The following TENM3 variants were observed in gnomAD, a reference collection of about 807,000 sequenced individuals.
TENM3 encodes teneurin-3.
A neutral mutation model predicts 255.1 loss-of-function variants in TENM3; 63 were observed. That is an observed-to-expected ratio of 0.25 (90% CI 0.20 to 0.30). The LOEUF (loss-of-function observed/expected upper bound fraction) is 0.30, where lower values mean the gene tolerates loss of function less well. Among genes scored for constraint, TENM3 ranks in the 10% least tolerant of loss-of-function variants. The probability of loss-of-function intolerance (pLI) is 1.00; values close to 1 mark genes in which losing one functional copy is unlikely to be tolerated. For synonymous variants in TENM3, 1,306 were observed against 1,322.3 expected, an observed-to-expected ratio of 0.99 and a Z score of 0.27; for missense variants, 2,929 against 3,461.1, an observed-to-expected ratio of 0.85 and a Z score of 3.86.
the TENM3 span, among the ~76,000 whole-genome samples, chr4:181,814,587 C>CGTGTGTGTGTGTGT: frequency 6.7e-6 from 1 of 149,390 alleles, no homozygotes; most frequent in African/African-American, 2.5e-5. Flanking sequence ...TTTTTAAATG[C>CGTGTGTGTGTGTGT]GTGTGTGTGT....
chr4:181,779,110 G>A, the TENM3 span, among the ~76,000 whole-genome samples: 15 of 152,054 alleles, frequency 9.9e-5, no homozygotes, highest in East Asian at 2.9e-3. Context: ...ACCTGGTGAT[G>A]GGCCATCTGG....
the TENM3 span, among the ~76,000 whole-genome samples, chr4:181,947,820 T>A: frequency 6.6e-6 from 1 of 152,168 alleles, no homozygotes; most frequent in African/African-American, 2.4e-5. Context: ...AAAATGAATC[T>A]GTTCGGATTA....
chr4:181,803,517 CA>C, the TENM3 span, among the ~76,000 whole-genome samples: 5 of 152,178 alleles, frequency 3.3e-5, no homozygotes, highest in African/African-American at 1.2e-4. Flanking sequence ...AGGAGCTCAA[CA>C]TACTATTGTT....
At chr4:181,491,366 G>T in the TENM3 span, among the ~76,000 whole-genome samples, 3 of 151,876 alleles carry the variant, frequency 2.0e-5, no homozygotes, top group Non-Finnish European at 1.5e-5. Flanking sequence ...GCACTTTTGA[G>T]AAAGTAAATG....
chr4:181,479,978 T>C, the TENM3 span, among the ~76,000 whole-genome samples: 1 of 152,150 alleles, frequency 6.6e-6, no homozygotes, highest in Non-Finnish European at 1.5e-5. Flanking sequence ...AATAACCACC[T>C]AGCAATCACA....
chr4:182,603,297 A>T (rs1447153779), intron 4 of TENM3, among the ~76,000 whole-genome samples: 1 of 152,144 alleles, frequency 6.6e-6, no homozygotes, highest in Non-Finnish European at 1.5e-5. Flanking sequence ...AATTAATATT[A>T]TACAGTTTTA....
chr4:182,270,591 A>C (rs1191875692), intron 1 of TENM3, among the ~76,000 whole-genome samples: 3 of 152,314 alleles, frequency 2.0e-5, no homozygotes, highest in Non-Finnish European at 4.4e-5. Context: ...CCCTTGGCTC[A>C]GAGTGGCATC....
At chr4:181,934,050 G>C in the TENM3 span, among the ~76,000 whole-genome samples, 8 of 121,250 alleles carry the variant, frequency 6.6e-5, no homozygotes, top group Non-Finnish European at 1.5e-4. Context: ...TCCCCTTTCT[G>C]TGTGTGTGTG....
the TENM3 span, among the ~76,000 whole-genome samples, chr4:181,454,573 T>C: frequency 6.6e-6 from 1 of 150,892 alleles, no homozygotes; most frequent in Non-Finnish European, 1.5e-5. Flanking sequence ...CCATTCCTGG[T>C]AAGTGCCTTA....
At chr4:182,155,690 T>G (rs1019828279) in intron 1 of TENM3, among the ~76,000 whole-genome samples, 5 of 152,142 alleles carry the variant, frequency 3.3e-5, no homozygotes, top group South Asian at 2.1e-4. Flanking sequence ...TTTAGAAGAA[T>G]AATAATTTAA....
the TENM3 span, among the ~76,000 whole-genome samples, chr4:181,679,692 A>G: frequency 5.3e-5 from 8 of 152,302 alleles, no homozygotes; most frequent in Non-Finnish European, 7.4e-5. Flanking sequence ...TTAAAAGTGT[A>G]TACTTTCATA....
intron 3 of TENM3, among the ~76,000 whole-genome samples, chr4:182,386,580 C>A (rs1255566074): frequency 1.3e-5 from 2 of 152,220 alleles, no homozygotes; most frequent in Admixed American, 6.5e-5. Context: ...CGAGCAGGAA[C>A]TGGGGCTGCG....
At chr4:181,962,642 C>A in the TENM3 span, among the ~76,000 whole-genome samples, 17 of 152,162 alleles carry the variant, frequency 1.1e-4, no homozygotes, top group African/African-American at 4.1e-4. Context: ...AGTTACATGG[C>A]GTGATGATCA....
the TENM3 span, among the ~76,000 whole-genome samples, chr4:181,467,091 G>GTA: frequency 1.8e-4 from 12 of 64,874 alleles, no homozygotes; most frequent in African/African-American, 9.8e-4. Flanking sequence ...GTGCGTGTGT[G>GTA]TGTGTGTGTG....
chr4:182,141,004 C>G (rs565583915), upstream of TENM3, among the ~76,000 whole-genome samples: 86 of 147,910 alleles, frequency 5.8e-4, no homozygotes, highest in African/African-American at 2.1e-3. Context: ...CCCCGCCCCC[C>G]AGCCCTTTGA....
At chr4:181,555,519 A>C in the TENM3 span, among the ~76,000 whole-genome samples, 1 of 152,236 alleles carries the variant, frequency 6.6e-6, no homozygotes, top group African/African-American at 2.4e-5. Context: ...GATAAAAACA[A>C]ATAAAATTCT....
the TENM3 span, among the ~76,000 whole-genome samples, chr4:181,540,867 A>AT: frequency 6.8e-6 from 1 of 148,082 alleles, no homozygotes; most frequent in South Asian, 2.1e-4. Flanking sequence ...GGAAATCTGA[A>AT]TAAAGTATGG....
intron 16 of TENM3, among the ~76,000 whole-genome samples, chr4:182,736,452 C>T (rs1761171422): frequency 6.6e-6 from 1 of 152,194 alleles, no homozygotes; most frequent in African/African-American, 2.4e-5. Flanking sequence ...CAGTGCATGT[C>T]AGCCTGATGG....
intron 3 of TENM3, among the ~76,000 whole-genome samples, chr4:182,456,881 C>T (rs1196842267): frequency 6.6e-6 from 1 of 152,190 alleles, no homozygotes; most frequent in South Asian, 2.1e-4. Context: ...CTTCATCTAC[C>T]TTAAGAACAA....
Sources: allele counts gnomAD v4.1 joint callset (sites outside exome capture counted in the v4.1 genomes callset), GRCh38; gene constraint gnomAD v4.1.1; transcripts MANE v1.5; gene names NCBI Gene and HGNC (gene_info 2026-07-23, HGNC 2026-07-21).